Variants in FARP1 observed in about 807,000 individuals in gnomAD.
FARP1 encodes the protein FERM, ARH/RhoGEF and pleckstrin domain protein 1.
A neutral mutation model predicts 128.8 loss-of-function variants in FARP1; 52 were observed. The ratio of observed to expected loss-of-function variants is 0.40; its 90% confidence interval spans 0.32 to 0.51. FARP1 has a LOEUF of 0.51. Ranked by LOEUF, FARP1 falls within the 20% of genes least tolerant of loss-of-function variation. The pLI is 0.45. For missense variants in FARP1, 1,333 were observed against 1,367.9 expected (o/e 0.97, Z 0.40); for synonymous variants, 580 against 551.8 (o/e 1.05, Z -0.72).
At chr13:98,361,216 C>T (rs1243079778) in intron 3 of FARP1, among the ~76,000 whole-genome samples, 1 of 152,212 alleles carries the variant, frequency 6.6e-6, no homozygotes, top group Admixed American at 6.5e-5. Flanking sequence ...GATAGGTCCT[C>T]ACAGGCCATG....
intron 2 of FARP1, among the ~76,000 whole-genome samples, chr13:98,276,462 T>G (rs1884659370): frequency 6.6e-6 from 1 of 152,196 alleles, no homozygotes. Flanking sequence ...AGGTAAGACT[T>G]GATTACAAAA....
chr13:98,430,802 A>G (rs899602717), intron 17 of FARP1, among the ~76,000 whole-genome samples: 5 of 152,202 alleles, frequency 3.3e-5, no homozygotes, highest in Non-Finnish European at 7.3e-5. Flanking sequence ...TAGCTTATAT[A>G]TTTTATGATC....
rs745386925 is a variant in FARP1, at chr13:98,384,800, A to G, written c.567A>G (p.Gln189=). 5 of 1,613,872 alleles carry G rather than the reference A, an allele frequency of 3.1e-6. No individual in the cohort carries two copies. Among genetic ancestry groups the G allele is most frequent in the East Asian group, 2.2e-5 (1 of 44,884 alleles). Residue 189 remains glutamine, a synonymous_variant, in exon 7 of 27, where the codon CAA becomes CAG. Coordinates refer to ENST00000319562, the MANE Select transcript of FARP1 (RefSeq NM_005766.4). Reference sequence around the variant, plus strand: ...CAAAAAATAAATACATACCTCAGCAAGACGCACTAGAGGACAAAATCGTGG... The same window carrying G: ...CAAAAAATAAATACATACCTCAGCAGGACGCACTAGAGGACAAAATCGTGG... The part of the protein sequence containing the change: ...HLAKNKYIPQ[Q]DALEDKIVEF...
At chr13:98,255,378 G>C (rs1042885880) in intron 2 of FARP1, among the ~76,000 whole-genome samples, 6 of 152,152 alleles carry the variant, frequency 3.9e-5, no homozygotes, top group Non-Finnish European at 8.8e-5. Context: ...GCAGGCGCCT[G>C]TAGTCCCAGC....
chr13:98,297,159 A>C (rs1010643795), intron 2 of FARP1, among the ~76,000 whole-genome samples: 1 of 152,224 alleles, frequency 6.6e-6, no homozygotes, highest in African/African-American at 2.4e-5. Context: ...TTGTTCCCAT[A>C]GGAAGATAGG....
rs1566772996 is a variant in FARP1 at position 98,232,144 on chromosome 13, GGT to G, written c.171+18732_171+18733del. Among the ~76,000 whole-genome samples the G allele has an allele frequency of 6.3e-5, 7 of 111,684 alleles. 1 individual carries two copies. The highest frequency in any genetic ancestry group is 2.7e-4 in the South Asian group (1 of 3,758). 73.3% of individuals were successfully genotyped at this position (111,684 alleles called of 152,430 possible). A position where few individuals can be genotyped will look rare whatever the true frequency, so the allele number is the denominator to read the frequency against. ...CGTGCCCGGCTTTTTTTGTTTGGTT[GGT>G]TTTTTTTTTTTTTTTTTTTTGCTTA... On this transcript the variant is annotated intron_variant, in intron 2 of 26. Transcript: ENST00000319562.
intron 1 of FARP1, among the ~76,000 whole-genome samples, chr13:98,170,475 A>T (rs965799852): frequency 2.0e-5 from 3 of 151,872 alleles, no homozygotes; most frequent in Non-Finnish European, 4.4e-5. Context: ...TCCTGCCTCG[A>T]CCTCCTGAGT....
chr13:98,261,913 G>A (rs1883899485), intron 2 of FARP1, among the ~76,000 whole-genome samples: 1 of 152,100 alleles, frequency 6.6e-6, no homozygotes, highest in South Asian at 2.1e-4. Context: ...CAACTCTGGG[G>A]TCACATTTCA....
At chr13:98,381,380 T>C (rs1889881945) in intron 6 of FARP1, among the ~76,000 whole-genome samples, 1 of 152,220 alleles carries the variant, frequency 6.6e-6, no homozygotes, top group South Asian at 2.1e-4. Context: ...GTTCATCTTG[T>C]CCGTCTCTAT....
chr13:98,357,188 A>G lies in FARP1; in HGVS notation c.277-8207A>G, dbSNP rs536077849. ...GGGGGGTGGAGGGGTTAGACCATTT[A>G]CATTTAATGTGATTATTGATATAGT... is the stretch of plus-strand genomic sequence containing the variant. On this transcript the variant is annotated intron_variant, in intron 3 of 26. Coordinates refer to ENST00000319562, the MANE Select transcript of FARP1 (RefSeq NM_005766.4). 7.2e-5 allele frequency among the ~76,000 whole-genome samples: 11 copies of G among 152,288 alleles called. No individual in the cohort carries two copies. In the East Asian group the frequency reaches 2.1e-3, roughly 29 times the overall value.
chr13:98,418,538 G>T (rs899354933), intron 16 of FARP1, among the ~76,000 whole-genome samples: 2 of 152,220 alleles, frequency 1.3e-5, no homozygotes, highest in Non-Finnish European at 2.9e-5. Context: ...GCCTCCCAGT[G>T]TTGGGATTAC....
At chr13:98,154,710 C>T (rs1261682784) in intron 1 of FARP1, among the ~76,000 whole-genome samples, 1 of 152,062 alleles carries the variant, frequency 6.6e-6, no homozygotes, top group Non-Finnish European at 1.5e-5. Flanking sequence ...ATAAAATTAC[C>T]GAAGCAACTG....
Position 98,448,338 on chromosome 13 carries a change from C to G in FARP1, c.*21C>G. The G allele has an allele frequency of 6.4e-7, 1 of 1,563,814 alleles. No homozygotes were observed. Among genetic ancestry groups the G allele is most frequent in the Non-Finnish European group, 8.8e-7 (1 of 1,134,016 alleles). ...ATTGATGGCCGGACACACTCGTTTC[C>G]GCAGTGGCTGCTTTCCTGGAAGACG... On this transcript the variant is annotated 3_prime_UTR_variant, in exon 27 of 27. Coordinates refer to ENST00000319562, the MANE Select transcript of FARP1 (RefSeq NM_005766.4).
At chr13:98,378,574 A>G (rs1271404206) in intron 6 of FARP1, among the ~76,000 whole-genome samples, 2 of 152,174 alleles carry the variant, frequency 1.3e-5, no homozygotes, top group Non-Finnish European at 2.9e-5. Context: ...AAGCACTACT[A>G]TAAAGGAAAG....
chr13:98,312,042 T>G (rs1301957551), intron 2 of FARP1, among the ~76,000 whole-genome samples: 1 of 151,616 alleles, frequency 6.6e-6, no homozygotes, highest in Non-Finnish European at 1.5e-5. Flanking sequence ...AGACAGGGTT[T>G]CACCATGTTG....
At chr13:98,164,806 G>A (rs1369467690) in intron 1 of FARP1, among the ~76,000 whole-genome samples, 2 of 152,110 alleles carry the variant, frequency 1.3e-5, no homozygotes, top group Admixed American at 6.6e-5. Context: ...TGGGTCGGCC[G>A]CAGTGGCTCA....
intron 1 of FARP1, among the ~76,000 whole-genome samples, chr13:98,154,124 T>C (rs1449870232): frequency 1.3e-5 from 2 of 152,240 alleles, no homozygotes; most frequent in Admixed American, 1.3e-4. Flanking sequence ...TTTTGCTATC[T>C]AGTTAGTATT....
At chr13:98,227,232 G>A (rs1881847906) in intron 2 of FARP1, among the ~76,000 whole-genome samples, 2 of 152,118 alleles carry the variant, frequency 1.3e-5, no homozygotes, top group Non-Finnish European at 1.5e-5. Context: ...GTGAGCCACC[G>A]CGCCCTGGCC....
chr13:98,190,128 A>T (rs1302605203), intron 1 of FARP1, among the ~76,000 whole-genome samples: 2 of 152,068 alleles, frequency 1.3e-5, no homozygotes, highest in African/African-American at 4.8e-5. Flanking sequence ...TTTTGAGTTG[A>T]TCCGCTGAAA....
Sources: gnomAD v4.1 joint callset for allele counts (sites outside exome capture counted in the v4.1 genomes callset) on GRCh38, gnomAD v4.1.1 for gene constraint, MANE v1.5 for transcripts, NCBI Gene and HGNC (gene_info 2026-07-23, HGNC 2026-07-21) for gene names.